NXPH1: variants seen among roughly 807,000 people sequenced by gnomAD.
NXPH1 encodes the protein neurexophilin-1.
In NXPH1, 5 loss-of-function variants were observed where a neutral mutation model predicts 23.7. That is an observed-to-expected ratio of 0.21 (90% CI 0.11 to 0.44). The LOEUF is 0.44. NXPH1 is among the 20% of genes least tolerant of loss of function. The pLI, the probability that NXPH1 is intolerant of heterozygous loss-of-function variation, is 0.99. For synonymous variants in NXPH1, 144 were observed against 122.2 expected (o/e 1.18, Z -1.18); for missense variants, 324 against 321.6 (o/e 1.01, Z -0.06).
chr7:8,557,677 A>G (rs6953293), intron 2 of NXPH1, among the ~76,000 whole-genome samples: 23,007 of 151,626 alleles, frequency 0.15, 2,958 homozygotes, highest in African/African-American at 0.35. Flanking sequence ...GAACTGGTGC[A>G]GTAAAAACAT....
chr7:8,726,322 T>G (rs1780052187), intron 2 of NXPH1, among the ~76,000 whole-genome samples: 1 of 151,952 alleles, frequency 6.6e-6, no homozygotes, highest in Non-Finnish European at 1.5e-5. Flanking sequence ...TTCATTTTTT[T>G]GTTTGTTTTT....
chr7:8,652,779 G>C lies in NXPH1; in HGVS notation c.55-98229G>C, dbSNP rs555451515. On this transcript the variant is annotated intron_variant, in intron 2 of 2. Transcript: ENST00000405863. The stretch of plus-strand genomic sequence containing the variant: ...GGTGATGCTTTTTATCCTTCTTAAG[G>C]GAAAAAACATAACTTGGATGTATCT... Among the ~76,000 whole-genome samples, 11 of 152,064 alleles carry C rather than the reference G, an allele frequency of 7.2e-5. 1 individual carries two copies. The South Asian group carries it at 2.3e-3, about 32-fold the overall frequency.
At chr7:8,513,585 C>T (rs778505466) in intron 2 of NXPH1, among the ~76,000 whole-genome samples, 2 of 152,002 alleles carry the variant, frequency 1.3e-5, no homozygotes, top group African/African-American at 2.4e-5. Context: ...GCCCTAAGGG[C>T]GGCAGGTAAG....
chr7:8,531,358 C>G (rs1250709618), intron 2 of NXPH1, among the ~76,000 whole-genome samples: 1 of 152,144 alleles, frequency 6.6e-6, no homozygotes, highest in African/African-American at 2.4e-5. Flanking sequence ...ATGTCATACT[C>G]TATTTGTTGA....
intron 2 of NXPH1, among the ~76,000 whole-genome samples, chr7:8,709,730 G>A (rs984223675): frequency 6.6e-6 from 1 of 152,140 alleles, no homozygotes; most frequent in Non-Finnish European, 1.5e-5. Flanking sequence ...AGTCTGTTAA[G>A]TCTTTATAGA....
chr7:8,663,365 G>A (rs1820709712), intron 2 of NXPH1, among the ~76,000 whole-genome samples: 1 of 151,914 alleles, frequency 6.6e-6, no homozygotes, highest in African/African-American at 2.4e-5. Context: ...CATCCTTTCT[G>A]GTCTCACGAT....
At chr7:8,667,338 A>T (rs1489671069) in intron 2 of NXPH1, among the ~76,000 whole-genome samples, 1 of 150,748 alleles carries the variant, frequency 6.6e-6, no homozygotes, top group Non-Finnish European at 1.5e-5. Context: ...TCCCTTTCAC[A>T]TTTCAGGTCT....
intron 2 of NXPH1, among the ~76,000 whole-genome samples, chr7:8,656,942 A>C (rs997956230): frequency 1.3e-5 from 2 of 152,186 alleles, no homozygotes; most frequent in East Asian, 3.8e-4. Flanking sequence ...TGAATTTACA[A>C]TTCTTCAGCA....
chr7:8,443,723 G>T (rs1816347321), intron 2 of NXPH1, among the ~76,000 whole-genome samples: 1 of 151,968 alleles, frequency 6.6e-6, no homozygotes, highest in Non-Finnish European at 1.5e-5. Flanking sequence ...GACGAATGGG[G>T]GATGCAGCCT....
intron 2 of NXPH1, among the ~76,000 whole-genome samples, chr7:8,680,444 T>G (rs761207084): frequency 6.6e-6 from 1 of 152,206 alleles, no homozygotes; most frequent in Non-Finnish European, 1.5e-5. Context: ...GATTGTAGAT[T>G]GCATTGAGAA....
intron 2 of NXPH1, among the ~76,000 whole-genome samples, chr7:8,673,099 T>A (rs1486673314): frequency 2.0e-5 from 3 of 152,172 alleles, no homozygotes; most frequent in African/African-American, 7.2e-5. Context: ...GAATTCTTAA[T>A]AATTATTAGG....
At chr7:8,730,277 G>C (rs1780127903) in intron 2 of NXPH1, among the ~76,000 whole-genome samples, 2 of 148,322 alleles carry the variant, frequency 1.3e-5, no homozygotes, top group Non-Finnish European at 3.0e-5. Context: ...ACACTGATGG[G>C]TCTTGACTCT....
intron 2 of NXPH1, among the ~76,000 whole-genome samples, chr7:8,670,405 T>C (rs1249900730): frequency 6.6e-6 from 1 of 152,224 alleles, no homozygotes; most frequent in African/African-American, 2.4e-5. Flanking sequence ...TTACCAAAGA[T>C]TATATAAAAT....
At chr7:8,644,051 C>T (rs338) in intron 2 of NXPH1, among the ~76,000 whole-genome samples, 109,702 of 152,070 alleles carry the variant, frequency 0.72, 40,115 homozygotes, top group East Asian at 1. Context: ...GTGGTGTGTT[C>T]CACAGCTGGG....
At chr7:8,605,186 A>G (rs1039799549) in intron 2 of NXPH1, among the ~76,000 whole-genome samples, 4 of 152,144 alleles carry the variant, frequency 2.6e-5, no homozygotes, top group African/African-American at 9.6e-5. Context: ...ATGAAAGGTG[A>G]TATAAAAATG....
At chr7:8,441,739 C>A (rs1011962983) in intron 2 of NXPH1, among the ~76,000 whole-genome samples, 19 of 152,308 alleles carry the variant, frequency 1.2e-4, no homozygotes, top group Admixed American at 9.2e-4. Flanking sequence ...TTCTTCAAAC[C>A]CCTCCGCGCG....
chr7:8,719,537 T>A (rs866223178), intron 2 of NXPH1, among the ~76,000 whole-genome samples: 1 of 152,144 alleles, frequency 6.6e-6, no homozygotes, highest in African/African-American at 2.4e-5. Flanking sequence ...ATTCTAAAAG[T>A]AGGATTATTA....
At chr7:8,692,746 AT>A (rs1432011431) in intron 2 of NXPH1, among the ~76,000 whole-genome samples, 1 of 152,140 alleles carries the variant, frequency 6.6e-6, no homozygotes, top group Non-Finnish European at 1.5e-5. Context: ...TAATTCATAC[AT>A]TTTTGTGCTA....
At chr7:8,743,636 G>A (rs968547508) in intron 2 of NXPH1, among the ~76,000 whole-genome samples, 2 of 151,820 alleles carry the variant, frequency 1.3e-5, no homozygotes, top group African/African-American at 4.8e-5. Context: ...ATGCTCCTAA[G>A]ACATGTATAG....
Sources: allele counts gnomAD v4.1 joint callset (sites outside exome capture counted in the v4.1 genomes callset), GRCh38; gene constraint gnomAD v4.1.1; transcripts MANE v1.5; gene names NCBI Gene and HGNC (gene_info 2026-07-23, HGNC 2026-07-21).